The following UGT1A10 variants were observed in gnomAD, a reference collection of about 807,000 sequenced individuals.
The protein encoded by UGT1A10 is UDP-glucuronosyltransferase 1A10.
Under a neutral mutation model 45.8 loss-of-function variants are expected in UGT1A10, and 49 were observed. The observed-to-expected ratio is 1.07, with a 90% confidence interval of 0.85 to 1.36. The LOEUF (loss-of-function observed/expected upper bound fraction) is 1.36, where lower values mean the gene tolerates loss of function less well. Ranked by LOEUF, UGT1A10 falls within the 40% of genes most tolerant of loss-of-function variation. The pLI is 0.00. For synonymous variants in UGT1A10, 284 were observed against 249.7 expected, an observed-to-expected ratio of 1.14 and a Z score of -1.29; for missense variants, 745 against 668.6, an observed-to-expected ratio of 1.11 and a Z score of -1.26.
chr2:233,713,025 C>G, intron 1 of UGT1A10: 1 of 1,613,852 alleles, frequency 6.2e-7, no homozygotes, highest in Non-Finnish European at 8.5e-7. Context: ...CCTGCCGCAG[C>G]TGGCCACAGG....
At chr2:233,682,685 A>G (rs745965167) in intron 1 of UGT1A10, 2 of 1,613,842 alleles carry the variant, frequency 1.2e-6, no homozygotes, top group East Asian at 2.2e-5. Context: ...CCACACATCA[A>G]TTTGGTTGTT....
chr2:233,719,252 T>G (rs2076741853), intron 1 of UGT1A10: 2 of 1,614,040 alleles, frequency 1.2e-6, no homozygotes, highest in Non-Finnish European at 1.7e-6. Flanking sequence ...TGAATGCTAC[T>G]TCCTTTGATG....
At chr2:233,708,932 A>G (rs1026818706) in intron 1 of UGT1A10, among the ~76,000 whole-genome samples, 3 of 152,134 alleles carry the variant, frequency 2.0e-5, no homozygotes, top group Non-Finnish European at 4.4e-5. Context: ...GAGCCAAACT[A>G]TGTCACCAGA....
At chr2:233,652,274 T>C (rs1245529823) in intron 1 of UGT1A10, among the ~76,000 whole-genome samples, 5 of 152,200 alleles carry the variant, frequency 3.3e-5, no homozygotes, top group Admixed American at 1.3e-4. Flanking sequence ...TCAACTTTTT[T>C]TTGTCAAAGT....
chr2:233,672,039 G>T (rs761460157), intron 1 of UGT1A10: 4 of 1,614,152 alleles, frequency 2.5e-6, no homozygotes, highest in Non-Finnish European at 2.5e-6. Context: ...CCATGGATGG[G>T]AGCCACTGGT....
Position 233,713,355 on chromosome 2 carries a change from T to C in UGT1A10, c.856-53679T>C, listed in dbSNP as rs1432041906. 4 of 1,614,234 alleles carry C rather than the reference T, an allele frequency of 2.5e-6. No individual in the cohort carries two copies. In the East Asian group the frequency reaches 8.9e-5, roughly 36 times the overall value. On this transcript the variant is annotated intron_variant, in intron 1 of 4. Coordinates refer to ENST00000344644, the MANE Select transcript of UGT1A10 (RefSeq NM_019075.4). ...AATGGCAATTATGAACAATATGTCT[T>C]TGATCATACATAGGTCTTGTGTGGA...
At chr2:233,763,225 G>A (rs537625266) in intron 1 of UGT1A10, among the ~76,000 whole-genome samples, 20 of 152,258 alleles carry the variant, frequency 1.3e-4, no homozygotes, top group African/African-American at 4.3e-4. Context: ...GTGAAAATAT[G>A]TTTTTAAATT....
Position 233,720,871 on chromosome 2 carries a change from ATT to A in UGT1A10, c.856-46145_856-46144del, listed in dbSNP as rs60621337. On this transcript the variant is annotated intron_variant, in intron 1 of 4. Transcript: ENST00000344644. ...CAGGCATGTGCCACTGCTCCTGGCAATTTTTTTTTTTTTTTTTTTAGTAGAGA... is the reference window on the plus strand; with the variant it reads ...CAGGCATGTGCCACTGCTCCTGGCAATTTTTTTTTTTTTTTTTAGTAGAGA... Among the ~76,000 whole-genome samples, 774 of 132,742 alleles carry A rather than the reference ATT, an allele frequency of 5.8e-3. 4 individuals are homozygous for A. Among genetic ancestry groups the A allele is most frequent in the African/African-American group, 0.021 (722 of 34,968 alleles). The allele number at this position is 132,742 out of a possible 152,430, so 87.1% of individuals were successfully genotyped here.
Position 233,637,315 on chromosome 2 carries a change from G to A in UGT1A10, c.793G>A (p.Val265Met), listed in dbSNP as rs142662851. 2.3e-4 allele frequency: 368 copies of A among 1,613,778 alleles called. No individual in the cohort carries two copies. Among genetic ancestry groups the A allele is most frequent in the Non-Finnish European group, 2.9e-4 (341 of 1,179,866 alleles). The change falls in exon 1 of 5, where the codon GTG becomes ATG. Residue 265 changes from valine to methionine, a missense_variant. Val to Met is a conservative substitution (Grantham distance 21). Coordinates refer to ENST00000344644, the MANE Select transcript of UGT1A10 (RefSeq NM_019075.4). ...CTTTGTTTTGGACTATCCCAAACCCGTGATGCCCAACATGATCTTCATTGG... is the reference window on the plus strand; with the variant it reads ...CTTTGTTTTGGACTATCCCAAACCCATGATGCCCAACATGATCTTCATTGG... ...TDFVLDYPKP[V>M]MPNMIFIGGI...
intron 4 of UGT1A10, chr2:233,770,945 C>A (rs537203065): frequency 1.3e-5 from 2 of 152,232 alleles, no homozygotes; most frequent in African/African-American, 4.8e-5. Flanking sequence ...GCCGGGGGAA[C>A]CTCAGGGAGC....
intron 1 of UGT1A10, among the ~76,000 whole-genome samples, chr2:233,764,826 T>G (rs932278016): frequency 5.9e-5 from 9 of 151,744 alleles, no homozygotes; most frequent in African/African-American, 2.2e-4. Flanking sequence ...TGCAGCATGG[T>G]GGTGGGGAGG....
intron 1 of UGT1A10, among the ~76,000 whole-genome samples, chr2:233,694,884 G>A (rs1016434056): frequency 2.2e-4 from 33 of 152,200 alleles, no homozygotes; most frequent in African/African-American, 8.0e-4. Flanking sequence ...CATTTGGGGG[G>A]TTCATGTGAT....
chr2:233,708,438 T>C (rs1435886261), intron 1 of UGT1A10: 1 of 152,216 alleles, frequency 6.6e-6, no homozygotes, highest in African/African-American at 2.4e-5. Context: ...AACTGGTATT[T>C]ACCTTCTGCA....
intron 1 of UGT1A10, among the ~76,000 whole-genome samples, chr2:233,720,381 T>C (rs930663002): frequency 6.6e-6 from 1 of 152,042 alleles, no homozygotes; most frequent in Non-Finnish European, 1.5e-5. Flanking sequence ...CTACTTGGAA[T>C]GCTGAAATTA....
At chr2:233,767,191 C>T (rs1476411384) in intron 2 of UGT1A10, 26 bp downstream of exon 2, 2 of 1,613,814 alleles carry the variant, frequency 1.2e-6, no homozygotes, top group Non-Finnish European at 1.7e-6. Context: ...ACCATGGCCT[C>T]ATATCTATTT....
chr2:233,767,027 G>A lies in UGT1A10; in HGVS notation c.856-7G>A, dbSNP rs753107729. The A allele has an allele frequency of 3.1e-6, 5 of 1,613,804 alleles. No individual in the cohort carries two copies. Among genetic ancestry groups the A allele is most frequent in the Non-Finnish European group, 4.2e-6 (5 of 1,179,992 alleles). On this transcript the variant is annotated splice_region_variant and splice_polypyrimidine_tract_variant and intron_variant, in intron 1 of 4. Coordinates refer to ENST00000344644, the MANE Select transcript of UGT1A10 (RefSeq NM_019075.4). ...AAATTAACTGAAAATTTTTCTTCTG[G>A]CTCTAGGAATTTGAAGCCTACATTA...
intron 1 of UGT1A10, among the ~76,000 whole-genome samples, chr2:233,654,959 C>T (rs557703839): frequency 4.1e-4 from 63 of 152,062 alleles, no homozygotes; most frequent in South Asian, 2.5e-3. Context: ...CAGTGTATGG[C>T]GGGCATCTGT....
intron 1 of UGT1A10, chr2:233,755,024 G>C (rs533329516): frequency 1.5e-6 from 2 of 1,306,520 alleles, no homozygotes; most frequent in Admixed American, 3.8e-5. Context: ...GGTCCTTGAA[G>C]GGCCTGCCGC....
intron 1 of UGT1A10, among the ~76,000 whole-genome samples, chr2:233,688,668 C>T (rs1348030404): frequency 1.3e-5 from 2 of 152,120 alleles, no homozygotes; most frequent in African/African-American, 4.8e-5. Flanking sequence ...GCAGCTGGCT[C>T]TTTTTTAAAA....
Sources: allele counts gnomAD v4.1 joint callset (sites outside exome capture counted in the v4.1 genomes callset), GRCh38; gene constraint gnomAD v4.1.1; transcripts MANE v1.5; gene names NCBI Gene and HGNC (gene_info 2026-07-23, HGNC 2026-07-21).